The following DCUN1D5 variants were observed in gnomAD, a reference collection of about 807,000 sequenced individuals.
The protein encoded by DCUN1D5 is defective in cullin neddylation 1 domain containing 5, also known as DCN1-like protein 5.
A neutral mutation model predicts 38.3 loss-of-function variants in DCUN1D5; 10 were observed. The ratio of observed to expected loss-of-function variants is 0.26; its 90% CI spans 0.16 to 0.44. The LOEUF (loss-of-function observed/expected upper bound fraction) is 0.44, where lower values mean the gene tolerates loss of function less well. Ranked by LOEUF, DCUN1D5 falls within the 20% of genes least tolerant of loss-of-function variation. DCUN1D5 has a pLI of 1.00. For synonymous variants in DCUN1D5, 93 were observed against 90.9 expected, an observed-to-expected ratio of 1.02 and a Z score of -0.13; for missense variants, 148 against 275.3, an observed-to-expected ratio of 0.54 and a Z score of 3.27.
At position 103,055,335 on chromosome 11, in the gene DCUN1D5, A is replaced by G. The variant is rs1861848282; in HGVS notation, c.*7024T>C. ...TATATTAATTCATGTAGAACTCTTC[A>G]CAATCTAGAAGCAAGCCTGCCCTCT... On this transcript the variant is annotated 3_prime_UTR_variant, in exon 8 of 8. Transcript: ENST00000260247. 6.6e-6 allele frequency: 1 copy of G among 152,174 alleles called. No homozygotes were observed. Among genetic ancestry groups the G allele is most frequent in the Non-Finnish European group, 1.5e-5 (1 of 68,016 alleles). 9.4% of individuals were successfully genotyped at this position (152,174 alleles called of 1,614,324 possible).
rs1019872153 is a variant in DCUN1D5, at chr11:103,064,873, T to C, written c.556-496A>G. On this transcript the variant is annotated intron_variant, in intron 6 of 7. Transcript: ENST00000260247. The surrounding 1 kb of genome is among the most constrained non-coding windows in gnomAD (Gnocchi z 4.5). ...AAGTTACTTAAGAATAGAAACCACCTCCTCATTTGTTAAATGGGGATAGAA... is the reference window on the plus strand; with the variant it reads ...AAGTTACTTAAGAATAGAAACCACCCCCTCATTTGTTAAATGGGGATAGAA... 6.6e-6 allele frequency among the ~76,000 whole-genome samples: 1 copy of C among 152,178 alleles called. No individual in the cohort carries two copies. The highest frequency in any genetic ancestry group is 2.4e-5 in the African/African-American group (1 of 41,452).
chr11:103,081,960 C>CA (rs1230579981), intron 4 of DCUN1D5, among the ~76,000 whole-genome samples: 75 of 151,968 alleles, frequency 4.9e-4, no homozygotes, highest in African/African-American at 1.8e-3. Context: ...AACAGGAAAC[C>CA]AAACAGCTAA....
In DCUN1D5 at chr11:103,083,711, A is replaced by G. The variant is rs1862627142; in HGVS notation, c.179-385T>C. On this transcript the variant is annotated intron_variant, in intron 2 of 7. Coordinates refer to ENST00000260247, the MANE Select transcript of DCUN1D5 (RefSeq NM_032299.4). The surrounding 1 kb of genome is among the most constrained non-coding windows in gnomAD (Gnocchi z 4.4). ...TAAGGCAGCTGGAGCTTCTTAATCTACTGGAATATCAGAACCAACACAAAG... is the reference window on the plus strand; with the variant it reads ...TAAGGCAGCTGGAGCTTCTTAATCTGCTGGAATATCAGAACCAACACAAAG... Among the ~76,000 whole-genome samples the G allele has an allele frequency of 6.6e-6, 1 of 152,090 alleles. No homozygotes were observed. The highest frequency in any genetic ancestry group is 2.1e-4 in the South Asian group (1 of 4,822).
rs1323685914 is a variant in DCUN1D5 at position 103,086,430 on chromosome 11, AAC to A, written c.178+2795_178+2796del. On this transcript the variant is annotated intron_variant, in intron 2 of 7. Coordinates refer to ENST00000260247, the MANE Select transcript of DCUN1D5 (RefSeq NM_032299.4). The surrounding 1 kb of genome is among the most constrained non-coding windows in gnomAD (Gnocchi z 4.1). ...TACGGACATACCCATTTCAAGACAG[AAC>A]AGTTACTGTTTATTTGGCAAACAAA... Among the ~76,000 whole-genome samples the A allele has an allele frequency of 6.6e-6, 1 of 152,198 alleles. No homozygotes were observed. The highest frequency in any genetic ancestry group is 1.5e-5 in the Non-Finnish European group (1 of 68,030).
At position 103,066,313 on chromosome 11, in the gene DCUN1D5, C is replaced by G; in HGVS notation, c.511G>C (p.Gly171Arg). ...ACTGAAAACAGTGGCCATGTCCTCC[C>G]AAGCAGAAGAGCTAACATAGATTTA... ...TAKSMLALLL[G>R]RTWPLFSVFY... Residue 171 changes from glycine (G) to arginine (R), a missense_variant, in exon 6 of 8, where the codon GGG (glycine) becomes CGG (arginine). By Grantham distance (125) the Gly-to-Arg change is moderately radical. Coordinates refer to ENST00000260247, the MANE Select transcript of DCUN1D5 (RefSeq NM_032299.4). The surrounding 1 kb of genome is among the most constrained non-coding windows in gnomAD (Gnocchi z 4.7). 6.2e-7 allele frequency: 1 copy of G among 1,610,462 alleles called. No individual in the cohort carries two copies. The highest frequency in any genetic ancestry group is 8.5e-7 in the Non-Finnish European group (1 of 1,178,700).
rs774251650 is a variant in DCUN1D5 at position 103,091,663 on chromosome 11, G to A, written c.86+124C>T. 3 of 1,578,318 alleles carry A rather than the reference G, an allele frequency of 1.9e-6. No individual in the cohort carries two copies. The highest frequency in any genetic ancestry group is 3.6e-5 in the Admixed American group (2 of 55,960). On this transcript the variant is annotated intron_variant, in intron 1 of 7. Coordinates refer to ENST00000260247, the MANE Select transcript of DCUN1D5 (RefSeq NM_032299.4). This position sits in a 1 kb window ranked among gnomAD's most constrained non-coding sequence, Gnocchi z 4.3. ...CGCGGTGTTCGGCACCTACAGCCTA[G>A]CTCGATCAAAGGGGCCTCACCTGTC...
chr11:103,066,268 C>A lies in DCUN1D5; in HGVS notation c.555+1G>T. 6.5e-7 allele frequency: 1 copy of A among 1,549,516 alleles called. No individual in the cohort carries two copies. Among genetic ancestry groups the A allele is most frequent in the Non-Finnish European group, 8.7e-7 (1 of 1,147,472 alleles). On this transcript the variant is annotated splice_donor_variant, in intron 6 of 7. Transcript: ENST00000260247. LOFTEE classifies it high-confidence loss of function. This position sits in a 1 kb window ranked among gnomAD's most constrained non-coding sequence, Gnocchi z 4.7. ...TTCAAAATTCGAAAAAACATACGTA[C>A]CTCCAGGTACTGGTAAAATACTGAA...
rs1217866094 is a variant in DCUN1D5 at position 103,083,145 on chromosome 11, A to G, written c.249+111T>C. 1.5e-6 allele frequency: 1 copy of G among 645,646 alleles called. No individual in the cohort carries two copies. Among genetic ancestry groups the G allele is most frequent in the Non-Finnish European group, 2.7e-6 (1 of 364,114 alleles). The allele number at this position is 645,646 out of a possible 1,614,324, so 40.0% of individuals were successfully genotyped here. A position where few individuals can be genotyped will look rare whatever the true frequency, so the allele number is the denominator to read the frequency against. ...ACCTTAAATGCAAATTTACAATATT[A>G]AACATGAAGAAATAAAATCTTCATA... On this transcript the variant is annotated intron_variant, in intron 3 of 7. Coordinates refer to ENST00000260247, the MANE Select transcript of DCUN1D5 (RefSeq NM_032299.4). The surrounding 1 kb of genome is among the most constrained non-coding windows in gnomAD (Gnocchi z 4.4).
rs1184801424 is a variant in DCUN1D5, at chr11:103,091,749, G to A, written c.86+38C>T. ...TTTCCTCCAGTTGTCCAGCAAAGGAGGGAGGAGGGAAGCTTGAAGGGTGGG... is the reference window on the plus strand; with the variant it reads ...TTTCCTCCAGTTGTCCAGCAAAGGAAGGAGGAGGGAAGCTTGAAGGGTGGG... On this transcript the variant is annotated intron_variant, in intron 1 of 7. Transcript: ENST00000260247. The surrounding 1 kb of genome is among the most constrained non-coding windows in gnomAD (Gnocchi z 4.3). 3 of 1,613,974 alleles carry A rather than the reference G, an allele frequency of 1.9e-6. No homozygotes were observed. In the Admixed American group the frequency reaches 5.0e-5, roughly 27 times the overall value.
At position 103,051,411 on chromosome 11, in the gene DCUN1D5, C is replaced by T. The variant is rs975551558; in HGVS notation, c.*10948G>A. 1.3e-5 allele frequency: 2 copies of T among 150,752 alleles called. No individual in the cohort carries two copies. The highest frequency in any genetic ancestry group is 1.3e-4 in the Admixed American group (2 of 15,046). 9.3% of individuals were successfully genotyped at this position (150,752 alleles called of 1,614,324 possible). A position where few individuals can be genotyped will look rare whatever the true frequency, so the allele number is the denominator to read the frequency against. On this transcript the variant is annotated 3_prime_UTR_variant, in exon 8 of 8. Coordinates refer to ENST00000260247, the MANE Select transcript of DCUN1D5 (RefSeq NM_032299.4). ...TGATATCAGCATGAAAAGTTCATGA[C>T]TTATTCACCTGTGACATAACTTTGG... is the stretch of plus-strand genomic sequence containing the variant.
At position 103,091,530 on chromosome 11, in the gene DCUN1D5, C is replaced by G. The variant is rs918385002; in HGVS notation, c.86+257G>C. 2 of 509,750 alleles carry G rather than the reference C, an allele frequency of 3.9e-6. No individual in the cohort carries two copies. Among genetic ancestry groups the G allele is most frequent in the Non-Finnish European group, 7.1e-6 (2 of 283,376 alleles). 31.6% of individuals were successfully genotyped at this position (509,750 alleles called of 1,614,324 possible). On this transcript the variant is annotated intron_variant, in intron 1 of 7. Coordinates refer to ENST00000260247, the MANE Select transcript of DCUN1D5 (RefSeq NM_032299.4). This position sits in a 1 kb window ranked among gnomAD's most constrained non-coding sequence, Gnocchi z 4.3. ...GCGCAATTTACATATGCATCTGTTC[C>G]CCACCCTGCAGGGCACGTAGACTCT...
At chr11:103,090,929 C>CA (rs564405511) in intron 1 of DCUN1D5, among the ~76,000 whole-genome samples, 2 of 151,660 alleles carry the variant, frequency 1.3e-5, no homozygotes, top group Admixed American at 6.6e-5. Context: ...CAAAACAAAA[C>CA]AAAAAAACAA....
Position 103,071,170 on chromosome 11 carries a change from TAAAC to T in DCUN1D5, c.342-4607_342-4604del, listed in dbSNP as rs921230582. On this transcript the variant is annotated intron_variant, in intron 4 of 7. Transcript: ENST00000260247. The surrounding 1 kb of genome is among the most constrained non-coding windows in gnomAD (Gnocchi z 4.1). Reference sequence around the variant, plus strand: ...AGAACCCAGAAAAAGAAAGGCAAAATAAACAAACCAAACAGGACAAAGTAAATAA... The same window carrying T: ...AGAACCCAGAAAAAGAAAGGCAAAATAAACCAAACAGGACAAAGTAAATAA... 2.0e-5 allele frequency among the ~76,000 whole-genome samples: 3 copies of T among 151,498 alleles called. No individual in the cohort carries two copies. Among genetic ancestry groups the T allele is most frequent in the Non-Finnish European group, 4.4e-5 (3 of 67,818 alleles).
chr11:103,068,578 T>C (rs905319790), intron 4 of DCUN1D5, among the ~76,000 whole-genome samples: 5 of 152,126 alleles, frequency 3.3e-5, no homozygotes, highest in African/African-American at 1.2e-4. Context: ...CTTAGCAAGC[T>C]AATGCTGGAA....
intron 4 of DCUN1D5, among the ~76,000 whole-genome samples, chr11:103,070,998 C>G (rs898130999): frequency 5.3e-5 from 8 of 151,940 alleles, no homozygotes; most frequent in African/African-American, 1.9e-4. Context: ...CAAGGGAAAA[C>G]AGAAAATACA....
chr11:103,084,566 G>T (rs1862650069), intron 2 of DCUN1D5, among the ~76,000 whole-genome samples: 1 of 152,096 alleles, frequency 6.6e-6, no homozygotes, highest in Non-Finnish European at 1.5e-5. Context: ...TTACATATTT[G>T]GAGAATTGTT....
chr11:103,085,000 A>G lies in DCUN1D5; in HGVS notation c.179-1674T>C, dbSNP rs115366148. ...GCCCTGTCTCAAAAAAAAATAAAAAATAAAAAATTAAGGGAAAAGACAAAC... is the reference window on the plus strand; with the variant it reads ...GCCCTGTCTCAAAAAAAAATAAAAAGTAAAAAATTAAGGGAAAAGACAAAC... On this transcript the variant is annotated intron_variant, in intron 2 of 7. Coordinates refer to ENST00000260247, the MANE Select transcript of DCUN1D5 (RefSeq NM_032299.4). Among the ~76,000 whole-genome samples the G allele has an allele frequency of 5.1e-3, 781 of 152,304 alleles. 5 individuals are homozygous for G. Among genetic ancestry groups the G allele is most frequent in the African/African-American group, 0.018 (746 of 41,566 alleles).
In DCUN1D5 at chr11:103,091,613, C is replaced by T. The variant is rs1591234521; in HGVS notation, c.86+174G>A. ...ACGCCAGCGTGCACACACTCGAACACGAGGTCGGGTCGGGCGCGGAGACTC... is the reference window on the plus strand; with the variant it reads ...ACGCCAGCGTGCACACACTCGAACATGAGGTCGGGTCGGGCGCGGAGACTC... On this transcript the variant is annotated intron_variant, in intron 1 of 7. Coordinates refer to ENST00000260247, the MANE Select transcript of DCUN1D5 (RefSeq NM_032299.4). This position sits in a 1 kb window ranked among gnomAD's most constrained non-coding sequence, Gnocchi z 4.3. 1 of 1,164,890 alleles carries T rather than the reference C, an allele frequency of 8.6e-7. No individual in the cohort carries two copies. The highest frequency in any genetic ancestry group is 1.2e-6 in the Non-Finnish European group (1 of 814,588). The allele number at this position is 1,164,890 out of a possible 1,614,324, so 72.2% of individuals were successfully genotyped here. A position where few individuals can be genotyped will look rare whatever the true frequency, so the allele number is the denominator to read the frequency against.
Position 103,091,725 on chromosome 11 carries a change from T to TA in DCUN1D5, c.86+61_86+62insT. On this transcript the variant is annotated intron_variant, in intron 1 of 7. Coordinates refer to ENST00000260247, the MANE Select transcript of DCUN1D5 (RefSeq NM_032299.4). The surrounding 1 kb of genome is among the most constrained non-coding windows in gnomAD (Gnocchi z 4.3). ...CCCGGCAGGCCGGGCCCGACTCCTT[T>TA]TCCTCCAGTTGTCCAGCAAAGGAGG... 6.2e-7 allele frequency: 1 copy of TA among 1,613,288 alleles called. No homozygotes were observed. Among genetic ancestry groups the TA allele is most frequent in the Non-Finnish European group, 8.5e-7 (1 of 1,179,526 alleles).
Sources: gnomAD v4.1 joint callset for allele counts (sites outside exome capture counted in the v4.1 genomes callset) on GRCh38, gnomAD v4.1.1 for gene constraint, Gnocchi (gnomAD v3.1) non-coding constraint, MANE v1.5 for transcripts, NCBI Gene and HGNC (gene_info 2026-07-23, HGNC 2026-07-21) for gene names.